EEF1A2: variants seen among roughly 807,000 people sequenced by gnomAD.
EEF1A2 encodes elongation factor 1-alpha 2.
In EEF1A2, 5 loss-of-function variants were observed where a neutral mutation model predicts 39.3. The ratio of observed to expected loss-of-function variants is 0.13; its 90% CI spans 0.07 to 0.27. The LOEUF is 0.27. Ranked by LOEUF, EEF1A2 falls within the 10% of genes least tolerant of loss-of-function variation. The pLI is 1.00. For missense variants in EEF1A2, 218 were observed against 681.4 expected (o/e 0.32, Z 7.57); for synonymous variants, 287 against 293.7 (o/e 0.98, Z 0.23).
intron 2 of EEF1A2, 160 bp from the exon 3 acceptor site, chr20:63,496,195 T>G: frequency 1.2e-6 from 1 of 851,340 alleles, no homozygotes; most frequent in Non-Finnish European, 1.8e-6. Context: ...GCCCCCTCCG[T>G]CGGGACCCCA....
chr20:63,488,505 C>T (rs1600901776), intron 7 of EEF1A2, 80 bp from the exon 8 acceptor site: 1 of 1,310,050 alleles, frequency 7.6e-7, no homozygotes, highest in Non-Finnish European at 9.7e-7. Context: ...CGGGCGGGGG[C>T]GCAACCGCGT....
chr20:63,492,525 G>A (rs1238870454), intron 5 of EEF1A2, among the ~76,000 whole-genome samples: 4 of 151,044 alleles, frequency 2.6e-5, no homozygotes, highest in Admixed American at 6.6e-5. Context: ...GAGGTGGATG[G>A]ATGGATGGAA....
rs1477392038 is a variant in EEF1A2, at chr20:63,497,787, G to A, written c.-24C>T. Reference sequence around the variant, plus strand: ...ATTTTGCTGGGAGTGTGAGGGGCTGGCGGGACCCGGGGTGCTCTGGCTCAG... The same window carrying A: ...ATTTTGCTGGGAGTGTGAGGGGCTGACGGGACCCGGGGTGCTCTGGCTCAG... On this transcript the variant is annotated 5_prime_UTR_variant, in exon 2 of 8. Coordinates refer to ENST00000217182, the MANE Select transcript of EEF1A2 (RefSeq NM_001958.5). The surrounding 1 kb of genome is among the most constrained non-coding windows in gnomAD (Gnocchi z 7.3). The A allele has an allele frequency of 6.2e-7, 1 of 1,606,526 alleles. No homozygotes were observed. The highest frequency in any genetic ancestry group is 1.7e-5 in the Admixed American group (1 of 59,722).
At position 63,488,172 on chromosome 20, in the gene EEF1A2, A is replaced by C; in HGVS notation, c.*126T>G. The C allele has an allele frequency of 1.9e-6, 1 of 526,598 alleles. No individual in the cohort carries two copies. The highest frequency in any genetic ancestry group is 8.2e-5 in the South Asian group (1 of 12,122). 32.6% of individuals were successfully genotyped at this position (526,598 alleles called of 1,614,324 possible). The stretch of plus-strand genomic sequence containing the variant: ...GAGGGCCTCTGGCAAGCGGAGGTGC[A>C]GACATGCGCCTGGCGGGGGTGCGGG... On this transcript the variant is annotated 3_prime_UTR_variant, in exon 8 of 8. Coordinates refer to ENST00000217182, the MANE Select transcript of EEF1A2 (RefSeq NM_001958.5).
chr20:63,490,882 A>G (rs939748472), intron 5 of EEF1A2, 147 bp from the exon 6 acceptor site: 63 of 892,112 alleles, frequency 7.1e-5, no homozygotes, highest in Non-Finnish European at 9.9e-5. Context: ...GGCGGAGTGC[A>G]GGGGAAGGGA....
chr20:63,497,870 G>C lies in EEF1A2; in HGVS notation c.-71-36C>G, dbSNP rs1006049445. ...AGTGGTGGTGGGGAGACCGGTGATG[G>C]GGAGCCCCAGGGGGAGACACCAGCA... On this transcript the variant is annotated intron_variant, in intron 1 of 7. Transcript: ENST00000217182. This position sits in a 1 kb window ranked among gnomAD's most constrained non-coding sequence, Gnocchi z 7.3. 4.9e-6 allele frequency: 7 copies of C among 1,440,354 alleles called. No homozygotes were observed. The highest frequency in any genetic ancestry group is 1.4e-5 in the African/African-American group (1 of 70,516). The allele number at this position is 1,440,354 out of a possible 1,614,324, so 89.2% of individuals were successfully genotyped here. A position where few individuals can be genotyped will look rare whatever the true frequency, so the allele number is the denominator to read the frequency against.
intron 3 of EEF1A2, among the ~76,000 whole-genome samples, chr20:63,495,422 G>A (rs1444139982): frequency 6.6e-6 from 1 of 152,254 alleles, no homozygotes; most frequent in African/African-American, 2.4e-5. Context: ...AAAGCAGTTT[G>A]GAGGTGGTGG....
chr20:63,493,671 A>G (rs1407820096), intron 4 of EEF1A2, among the ~76,000 whole-genome samples: 2 of 152,188 alleles, frequency 1.3e-5, no homozygotes, highest in Non-Finnish European at 2.9e-5. Context: ...GGGCCAGGCC[A>G]GGGACAGAGC....
At chr20:63,493,880 A>G (rs310614) in intron 4 of EEF1A2, among the ~76,000 whole-genome samples, 113,401 of 152,326 alleles carry the variant, frequency 0.74, 43,008 homozygotes, top group African/African-American at 0.89. Context: ...TGTAAGCACG[A>G]GCCACCTAGC....
rs1048024029 is a variant in EEF1A2 at position 63,497,862 on chromosome 20, C to G, written c.-71-28G>C. The G allele has an allele frequency of 1.3e-6, 2 of 1,487,910 alleles. No individual in the cohort carries two copies. The highest frequency in any genetic ancestry group is 2.3e-5 in the East Asian group (1 of 42,740). 92.2% of individuals were successfully genotyped at this position (1,487,910 alleles called of 1,614,324 possible). On this transcript the variant is annotated intron_variant, in intron 1 of 7. Coordinates refer to ENST00000217182, the MANE Select transcript of EEF1A2 (RefSeq NM_001958.5). This position sits in a 1 kb window ranked among gnomAD's most constrained non-coding sequence, Gnocchi z 7.3. ...GTGGGGCCAGTGGTGGTGGGGAGAC[C>G]GGTGATGGGGAGCCCCAGGGGGAGA... is the stretch of plus-strand genomic sequence containing the variant.
intron 5 of EEF1A2, among the ~76,000 whole-genome samples, chr20:63,491,072 C>T (rs903996164): frequency 3.9e-5 from 6 of 152,342 alleles, no homozygotes; most frequent in Middle Eastern, 3.4e-3. Context: ...TCCTTGCCCC[C>T]GGAGAGCACT....
chr20:63,498,253 G>A lies in EEF1A2; in HGVS notation c.-71-419C>T, dbSNP rs536045331. 2.4e-3 allele frequency: 367 copies of A among 152,588 alleles called. 2 individuals are homozygous for A. The highest frequency in any genetic ancestry group is 8.1e-3 in the African/African-American group (335 of 41,496). 9.5% of individuals were successfully genotyped at this position (152,588 alleles called of 1,614,324 possible). A position where few individuals can be genotyped will look rare whatever the true frequency, so the allele number is the denominator to read the frequency against. ...CCGGCGGCAGGGCCAGGGACACGGC[G>A]CCCCACCCCCACCCGCTGCCACCGG... On this transcript the variant is annotated intron_variant, in intron 1 of 7. Transcript: ENST00000217182. This position sits in a 1 kb window ranked among gnomAD's most constrained non-coding sequence, Gnocchi z 4.1.
At chr20:63,489,249 G>T in intron 6 of EEF1A2, 97 bp from the exon 7 acceptor site, 2 of 1,260,564 alleles carry the variant, frequency 1.6e-6, no homozygotes, top group Non-Finnish European at 2.2e-6. Flanking sequence ...CGGCGCCCCT[G>T]CACGGGCTCC....
chr20:63,496,000 C>T lies in EEF1A2; in HGVS notation c.180G>A (p.Leu60=), dbSNP rs760484799. 2.5e-6 allele frequency: 4 copies of T among 1,612,934 alleles called. No homozygotes were observed. Among genetic ancestry groups the T allele is most frequent in the Non-Finnish European group, 3.4e-6 (4 of 1,179,934 alleles). ...GCTCACGCTCCGCCTTCAGCTTGTCCAGCACCCAGGCATACTTGAAGGATC... is the reference window on the plus strand; with the variant it reads ...GCTCACGCTCCGCCTTCAGCTTGTCTAGCACCCAGGCATACTTGAAGGATC... ...GKGSFKYAWV[L]DKLKAERERG... The change falls in exon 3 of 8, where the codon CTG becomes CTA. Residue 60 remains leucine (L), a synonymous_variant. Transcript: ENST00000217182.
At position 63,490,287 on chromosome 20, in the gene EEF1A2, G is replaced by C. The variant is rs1600903220; in HGVS notation, c.1029+192C>G. ...TCACCATGTTGACCAGGATGGACTT[G>C]ATCTCTTGACCTCGTGATCTGCCCG... is the stretch of plus-strand genomic sequence containing the variant. On this transcript the variant is annotated intron_variant, in intron 6 of 7. Coordinates refer to ENST00000217182, the MANE Select transcript of EEF1A2 (RefSeq NM_001958.5). 9.0e-6 allele frequency: 6 copies of C among 665,014 alleles called. No homozygotes were observed. The East Asian group carries it at 1.7e-4, about 19-fold the overall frequency. 41.2% of individuals were successfully genotyped at this position (665,014 alleles called of 1,614,324 possible).
intron 7 of EEF1A2, 143 bp downstream of exon 7, chr20:63,488,775 G>C: frequency 1.1e-6 from 1 of 923,752 alleles, no homozygotes. Context: ...GGAGGCCGTG[G>C]CTCTCCTGCC....
At chr20:63,492,778 A>C (rs1417128391) in intron 5 of EEF1A2, among the ~76,000 whole-genome samples, 1 of 121,448 alleles carries the variant, frequency 8.2e-6, no homozygotes, top group African/African-American at 3.2e-5. Context: ...GGGGAGGTGG[A>C]TAGATGGAGA....
At position 63,490,547 on chromosome 20, in the gene EEF1A2, G is replaced by T; in HGVS notation, c.961C>A (p.Arg321=). ...NVKNVSVKDI[R]RGNVCGDSKS... is the part of the protein sequence containing the mutation. ...CTGTCCCCACACACGTTGCCCCGCC[G>T]GATGTCCTTCACCGACACGTTCTTC... Residue 321 remains arginine, a synonymous_variant, in exon 6 of 8, where the codon CGG becomes AGG. Transcript: ENST00000217182. 6.2e-7 allele frequency: 1 copy of T among 1,612,774 alleles called. No individual in the cohort carries two copies. The highest frequency in any genetic ancestry group is 8.5e-7 in the Non-Finnish European group (1 of 1,179,950).
At position 63,497,868 on chromosome 20, in the gene EEF1A2, TGGGGAGCCCCAG is replaced by T. The variant is rs2082425468; in HGVS notation, c.-71-46_-71-35del. The T allele has an allele frequency of 1.4e-6, 2 of 1,456,142 alleles. No individual in the cohort carries two copies. The highest frequency in any genetic ancestry group is 1.9e-6 in the Non-Finnish European group (2 of 1,078,042). The allele number at this position is 1,456,142 out of a possible 1,614,324, so 90.2% of individuals were successfully genotyped here. On this transcript the variant is annotated intron_variant, in intron 1 of 7. Coordinates refer to ENST00000217182, the MANE Select transcript of EEF1A2 (RefSeq NM_001958.5). The surrounding 1 kb of genome is among the most constrained non-coding windows in gnomAD (Gnocchi z 7.3). ...CCAGTGGTGGTGGGGAGACCGGTGA[TGGGGAGCCCCAG>T]GGGGAGACACCAGCAGAGACTGTCC...
Sources: allele counts gnomAD v4.1 joint callset (sites outside exome capture counted in the v4.1 genomes callset), GRCh38; gene constraint gnomAD v4.1.1; non-coding constraint Gnocchi (gnomAD v3.1); transcripts MANE v1.5; gene names NCBI Gene and HGNC (gene_info 2026-07-23, HGNC 2026-07-21).